The following CSMD1 variants were observed in gnomAD, a reference collection of about 807,000 sequenced individuals.
CSMD1 encodes the protein CUB and sushi domain-containing protein 1.
CSMD1 carries 213 observed loss-of-function variants against 417.5 expected under a neutral mutation model. The observed-to-expected ratio is 0.51, with a 90% CI of 0.46 to 0.57. CSMD1 has a LOEUF of 0.57. Ranked by LOEUF, CSMD1 falls within the 20% of genes least tolerant of loss-of-function variation. The pLI is 0.00. For synonymous variants in CSMD1, 2,862 were observed against 1,736.8 expected (o/e 1.65, Z -16.11); for missense variants, 6,923 against 4,529.7 (o/e 1.53, Z -15.17).
rs181575217 is a variant in CSMD1 at position 4,252,371 on chromosome 8, G to T, written c.415+167582C>A. On this transcript the variant is annotated intron_variant, in intron 3 of 69. Coordinates refer to ENST00000635120, the MANE Select transcript of CSMD1 (RefSeq NM_033225.6). The stretch of plus-strand genomic sequence containing the variant: ...CTAGCTTTTCTGTCCAATAGACGCT[G>T]AAGTTATGTATTGTCTTTTTCCAGT... 3.8e-3 allele frequency among the ~76,000 whole-genome samples: 586 copies of T among 152,338 alleles called. 3 individuals are homozygous for T. Among genetic ancestry groups the T allele is most frequent in the African/African-American group, 0.013 (545 of 41,574 alleles).
intron 18 of CSMD1, among the ~76,000 whole-genome samples, chr8:3,383,042 CG>C (rs1330909994): frequency 6.6e-6 from 1 of 152,150 alleles, no homozygotes; most frequent in Non-Finnish European, 1.5e-5. Flanking sequence ...ATGATGCCAG[CG>C]CATGTAGATA....
chr8:3,177,107 C>A (rs946130556), intron 37 of CSMD1, among the ~76,000 whole-genome samples: 8 of 152,208 alleles, frequency 5.3e-5, no homozygotes, highest in Middle Eastern at 3.4e-3. Context: ...GGACAAACTC[C>A]CCCAGAAGAG....
chr8:4,137,985 C>T (rs1007408878), intron 3 of CSMD1, among the ~76,000 whole-genome samples: 7 of 149,040 alleles, frequency 4.7e-5, no homozygotes, highest in South Asian at 2.1e-4. Flanking sequence ...TCACGCCATT[C>T]TCCCGCCTCA....
intron 1 of CSMD1, among the ~76,000 whole-genome samples, chr8:4,756,637 A>G (rs1038126310): frequency 1.3e-5 from 2 of 152,176 alleles, no homozygotes; most frequent in Non-Finnish European, 2.9e-5. Context: ...TCACTCCAGG[A>G]TTAACTTCGC....
intron 26 of CSMD1, among the ~76,000 whole-genome samples, chr8:3,243,323 A>C (rs1187631729): frequency 6.6e-6 from 1 of 152,078 alleles, no homozygotes; most frequent in Non-Finnish European, 1.5e-5. Flanking sequence ...ACCACATTTC[A>C]CTCGCGTCCA....
chr8:3,333,760 T>C (rs774473063), intron 23 of CSMD1, among the ~76,000 whole-genome samples: 11 of 152,252 alleles, frequency 7.2e-5, no homozygotes, highest in Non-Finnish European at 1.2e-4. Flanking sequence ...GATGAAAAGA[T>C]GCTTTGACTC....
chr8:4,611,852 T>G (rs1269282315), intron 2 of CSMD1, among the ~76,000 whole-genome samples: 2 of 152,214 alleles, frequency 1.3e-5, no homozygotes, highest in Non-Finnish European at 2.9e-5. Flanking sequence ...CACCAGGGTT[T>G]GAAGTGCCTG....
intron 5 of CSMD1, among the ~76,000 whole-genome samples, chr8:3,799,589 C>G (rs557119022): frequency 6.6e-6 from 1 of 151,832 alleles, no homozygotes; most frequent in African/African-American, 2.4e-5. Flanking sequence ...AATACATCAA[C>G]TTTTCATTGG....
chr8:3,236,602 C>T (rs1380657077), intron 26 of CSMD1, among the ~76,000 whole-genome samples: 1 of 152,182 alleles, frequency 6.6e-6, no homozygotes, highest in Non-Finnish European at 1.5e-5. Flanking sequence ...CACCCAGGGG[C>T]ACTCCATTAG....
intron 26 of CSMD1, among the ~76,000 whole-genome samples, chr8:3,280,124 G>A (rs6558750): frequency 0.81 from 123,288 of 152,026 alleles, 50,039 homozygotes; most frequent in Admixed American, 0.87. Flanking sequence ...ATGCCCTCCT[G>A]CCCCATCTCT....
intron 1 of CSMD1, among the ~76,000 whole-genome samples, chr8:4,719,356 G>T (rs999487295): frequency 2.0e-5 from 3 of 152,082 alleles, no homozygotes; most frequent in African/African-American, 7.2e-5. Flanking sequence ...GTGCCAATGC[G>T]CTTGAGCCTG....
intron 7 of CSMD1, among the ~76,000 whole-genome samples, chr8:3,656,911 C>G (rs927349234): frequency 5.0e-5 from 7 of 141,310 alleles, no homozygotes; most frequent in South Asian, 4.7e-4. Context: ...GGCAACAGAG[C>G]AAGACTCTGT....
intron 7 of CSMD1, among the ~76,000 whole-genome samples, chr8:3,699,683 C>A (rs1367443099): frequency 6.6e-6 from 1 of 152,190 alleles, no homozygotes; most frequent in Non-Finnish European, 1.5e-5. Context: ...ATCTGAAACA[C>A]TATAAGACTA....
chr8:3,069,998 C>G (rs1191762869), intron 49 of CSMD1, among the ~76,000 whole-genome samples: 4 of 152,212 alleles, frequency 2.6e-5, no homozygotes, highest in Non-Finnish European at 5.9e-5. Flanking sequence ...GGCTTGCACC[C>G]TTCGGAACGG....
chr8:4,688,623 G>T (rs1440562652), intron 1 of CSMD1, among the ~76,000 whole-genome samples: 1 of 152,128 alleles, frequency 6.6e-6, no homozygotes, highest in African/African-American at 2.4e-5. Context: ...ATGTCATGTT[G>T]ACTTCAGAGC....
At position 3,008,357 on chromosome 8, in the gene CSMD1, C is replaced by G. The variant is rs183711420; in HGVS notation, c.8030-8226G>C. On this transcript the variant is annotated intron_variant, in intron 52 of 69. Coordinates refer to ENST00000635120, the MANE Select transcript of CSMD1 (RefSeq NM_033225.6). ...GAAAACCACTCACTCCATTATCACC[C>G]GCACAGTGTGGCCCACCCTTAGACC... Among the ~76,000 whole-genome samples, 783 of 152,278 alleles carry G rather than the reference C, an allele frequency of 5.1e-3. 5 individuals are homozygous for G. The highest frequency in any genetic ancestry group is 0.018 in the African/African-American group (742 of 41,554).
chr8:3,672,947 T>C (rs543893088), intron 7 of CSMD1, among the ~76,000 whole-genome samples: 3 of 152,340 alleles, frequency 2.0e-5, no homozygotes, highest in East Asian at 1.9e-4. Context: ...GGAGAATCAA[T>C]AACTTATCTC....
At chr8:4,573,851 G>C (rs1799007189) in intron 2 of CSMD1, among the ~76,000 whole-genome samples, 1 of 152,148 alleles carries the variant, frequency 6.6e-6, no homozygotes, top group Non-Finnish European at 1.5e-5. Flanking sequence ...AAGCAGTCTG[G>C]CTACAGTGGC....
intron 5 of CSMD1, among the ~76,000 whole-genome samples, chr8:3,963,247 T>C (rs868289785): frequency 5.9e-5 from 9 of 152,180 alleles, no homozygotes; most frequent in African/African-American, 1.9e-4. Flanking sequence ...GTTTTGAATA[T>C]TGTAATTGTA....
Sources: allele counts gnomAD v4.1 joint callset (sites outside exome capture counted in the v4.1 genomes callset), GRCh38; gene constraint gnomAD v4.1.1; transcripts MANE v1.5; gene names NCBI Gene and HGNC (gene_info 2026-07-23, HGNC 2026-07-21).